AADAT: variants seen among roughly 807,000 people sequenced by gnomAD.
AADAT encodes aminoadipate aminotransferase.
AADAT carries 25 observed loss-of-function variants against 56.2 expected under a neutral mutation model. The ratio of observed to expected loss-of-function variants is 0.44; its 90% CI spans 0.32 to 0.62. The LOEUF (loss-of-function observed/expected upper bound fraction) is 0.62, where lower values mean the gene tolerates loss of function less well. Among genes scored for constraint, AADAT ranks in the 20% least tolerant of loss-of-function variants. The pLI, the probability that AADAT is intolerant of heterozygous loss-of-function variation, is 0.04. For missense variants in AADAT, 387 were observed against 510.5 expected, an observed-to-expected ratio of 0.76 and a Z score of 2.33; for synonymous variants, 173 against 164.7, an observed-to-expected ratio of 1.05 and a Z score of -0.39.
At position 170,067,376 on chromosome 4, in the gene AADAT, G is replaced by T; in HGVS notation, c.913C>A (p.Gln305Lys). ...TCTTCTCCCCATTCGTGTAGAAGCT[G>T]TGATATCATGAGCTAAAAGAGATAA... Reference protein sequence around the residue: ...PSTFNQLMISQLLHEWGEEGF... With the variant: ...PSTFNQLMISKLLHEWGEEGF... The change falls in exon 9 of 13, where the codon CAG becomes AAG. Residue 305 changes from glutamine to lysine, a missense_variant. By Grantham distance (53) the Gln-to-Lys change is moderately conservative (BLOSUM62 1). Transcript: ENST00000337664. 1 of 1,613,162 alleles carries T rather than the reference G, an allele frequency of 6.2e-7. No homozygotes were observed. Among genetic ancestry groups the T allele is most frequent in the Non-Finnish European group, 8.5e-7 (1 of 1,179,404 alleles).
chr4:170,093,888 G>A (rs986292229), upstream of AADAT, among the ~76,000 whole-genome samples: 1 of 152,192 alleles, frequency 6.6e-6, no homozygotes, highest in African/African-American at 2.4e-5. Context: ...ATGAGCCAGC[G>A]CACCTGGCCT....
At chr4:170,092,325 C>G (rs554658572), upstream of AADAT, among the ~76,000 whole-genome samples, 1 of 152,232 alleles carries the variant, frequency 6.6e-6, no homozygotes, top group African/African-American at 2.4e-5. Context: ...GTGGAGACCA[C>G]GCACCCACAG....
intron 6 of AADAT, among the ~76,000 whole-genome samples, chr4:170,069,962 A>C (rs1390137830): frequency 1.3e-5 from 2 of 152,094 alleles, no homozygotes; most frequent in South Asian, 2.1e-4. Flanking sequence ...TATCAGAAAA[A>C]AGTCATCATG....
intron 5 of AADAT, 95 bp from the exon 6 acceptor site, chr4:170,070,747 C>A: frequency 1.1e-6 from 1 of 880,120 alleles, no homozygotes; most frequent in Non-Finnish European, 1.7e-6. Flanking sequence ...ATTCTTTGTA[C>A]TCATTCAAGG....
chr4:170,076,355 C>T (rs1732032787), intron 4 of AADAT, among the ~76,000 whole-genome samples: 1 of 152,074 alleles, frequency 6.6e-6, no homozygotes, highest in African/African-American at 2.4e-5. Flanking sequence ...TGAGTCTTGC[C>T]AAATAATCAG....
intron 3 of AADAT, among the ~76,000 whole-genome samples, chr4:170,081,299 G>A (rs1732293187): frequency 1.3e-5 from 2 of 152,102 alleles, no homozygotes; most frequent in South Asian, 2.1e-4. Flanking sequence ...GAGTGCCTAC[G>A]AAATACAGAA....
intron 3 of AADAT, among the ~76,000 whole-genome samples, chr4:170,084,466 A>G (rs1732459562): frequency 6.6e-6 from 1 of 152,184 alleles, no homozygotes; most frequent in Non-Finnish European, 1.5e-5. Flanking sequence ...AATTATGTGG[A>G]TAATATGATT....
Position 170,060,824 on chromosome 4 carries a change from A to G in AADAT, c.*104T>C. 1 of 906,130 alleles carries G rather than the reference A, an allele frequency of 1.1e-6. No individual in the cohort carries two copies. The allele number at this position is 906,130 out of a possible 1,614,324, so 56.1% of individuals were successfully genotyped here. ...GAGTGCAGTGGTGTGATCGTAGCTT[A>G]CTGCAGCCTTGAATTCCTGGGTTCA... On this transcript the variant is annotated 3_prime_UTR_variant, in exon 13 of 13. Coordinates refer to ENST00000337664, the MANE Select transcript of AADAT (RefSeq NM_016228.4).
chr4:170,066,444 T>C lies in AADAT; in HGVS notation c.997A>G (p.Ile333Val). 1.2e-6 allele frequency: 2 copies of C among 1,613,884 alleles called. No individual in the cohort carries two copies. The highest frequency in any genetic ancestry group is 1.7e-6 in the Non-Finnish European group (2 of 1,179,896). The part of the protein sequence containing the change: ...IDFYSNQKDA[I>V]LAAADKWLTG... ...AACCACTTGTCTGCAGCTGCCAGTA[T>C]TGCATCCTTCTGGTTACTATAGAAA... The change falls in exon 10 of 13, where the codon ATA (isoleucine) becomes GTA (valine). Residue 333 changes from isoleucine to valine, a missense_variant. Ile to Val is a conservative substitution (Grantham distance 29). Transcript: ENST00000337664.
chr4:170,066,683 C>T (rs1731478870), intron 9 of AADAT, among the ~76,000 whole-genome samples: 1 of 151,996 alleles, frequency 6.6e-6, no homozygotes, highest in African/African-American at 2.4e-5. Context: ...AGAATAATTA[C>T]AAAATAAAAA....
intron 1 of AADAT, 101 bp downstream of exon 1, chr4:170,089,523 C>G: frequency 7.7e-7 from 1 of 1,299,946 alleles, no homozygotes; most frequent in Non-Finnish European, 1.1e-6. Context: ...CACAGGGGTA[C>G]GCATGGATGC....
At chr4:170,065,219 C>T (rs182155951) in intron 10 of AADAT, among the ~76,000 whole-genome samples, 2 of 152,286 alleles carry the variant, frequency 1.3e-5, no homozygotes, top group African/African-American at 4.8e-5. Flanking sequence ...TCCAGCATTA[C>T]AACAAATCCT....
chr4:170,084,855 C>A (rs989594390), intron 3 of AADAT, among the ~76,000 whole-genome samples: 2 of 152,224 alleles, frequency 1.3e-5, no homozygotes, highest in African/African-American at 4.8e-5. Context: ...TACATATCAA[C>A]AGATCAAATG....
intron 8 of AADAT, 67 bp from the exon 9 acceptor site, chr4:170,067,455 A>T (rs1731526508): frequency 4.6e-6 from 6 of 1,294,406 alleles, no homozygotes; most frequent in Non-Finnish European, 6.7e-6. Flanking sequence ...CCATATATAA[A>T]AGCAACTCAC....
At chr4:170,072,191 G>A (rs1731801137) in intron 5 of AADAT, among the ~76,000 whole-genome samples, 2 of 152,012 alleles carry the variant, frequency 1.3e-5, no homozygotes, top group Non-Finnish European at 2.9e-5. Flanking sequence ...AGCCTGGAAA[G>A]TACAAACATA....
At chr4:170,066,005 G>A (rs1039512897) in intron 10 of AADAT, among the ~76,000 whole-genome samples, 1 of 152,154 alleles carries the variant, frequency 6.6e-6, no homozygotes, top group African/African-American at 2.4e-5. Context: ...AGAGATAAAT[G>A]AGGTTAATGA....
At chr4:170,075,969 C>T (rs1253705166) in intron 4 of AADAT, among the ~76,000 whole-genome samples, 1 of 152,192 alleles carries the variant, frequency 6.6e-6, no homozygotes, top group Non-Finnish European at 1.5e-5. Context: ...GTATATACCA[C>T]ATTTTATTTA....
At chr4:170,073,589 C>T (rs1050150195) in intron 4 of AADAT, among the ~76,000 whole-genome samples, 1 of 151,764 alleles carries the variant, frequency 6.6e-6, no homozygotes. Flanking sequence ...ACTGCAACCT[C>T]CCTGGTTCAA....
At chr4:170,070,042 G>A (rs528106590) in intron 6 of AADAT, among the ~76,000 whole-genome samples, 1 of 152,140 alleles carries the variant, frequency 6.6e-6, no homozygotes, top group East Asian at 1.9e-4. Context: ...TAAGATCCAG[G>A]ACATAAATGA....
Sources: gnomAD v4.1 joint callset for allele counts (sites outside exome capture counted in the v4.1 genomes callset) on GRCh38, gnomAD v4.1.1 for gene constraint, MANE v1.5 for transcripts, NCBI Gene and HGNC (gene_info 2026-07-23, HGNC 2026-07-21) for gene names.